The following NRXN3 variants were observed in gnomAD, a reference collection of about 807,000 sequenced individuals.
NRXN3 encodes neurexin III.
Under a neutral mutation model 137.6 loss-of-function variants are expected in NRXN3, and 32 were observed. The observed-to-expected ratio is 0.23, with a 90% CI of 0.18 to 0.31. NRXN3 has a LOEUF of 0.31. Ranked by LOEUF, NRXN3 falls within the 10% of genes least tolerant of loss-of-function variation. The probability of loss-of-function intolerance (pLI) is 1.00; values close to 1 mark genes in which losing one functional copy is unlikely to be tolerated. For synonymous variants in NRXN3, 798 were observed against 784.5 expected (o/e 1.02, Z -0.29); for missense variants, 1,574 against 2,062.5 (o/e 0.76, Z 4.59).
At chr14:78,260,890 G>A (rs564798592) in intron 2 of NRXN3, among the ~76,000 whole-genome samples, 1 of 152,034 alleles carries the variant, frequency 6.6e-6, no homozygotes, top group African/African-American at 2.4e-5. Context: ...ATTTTGATTG[G>A]GTAAATTTAA....
At chr14:79,502,120 G>A (rs2153673927) in intron 16 of NRXN3, among the ~76,000 whole-genome samples, 1 of 152,304 alleles carries the variant, frequency 6.6e-6, no homozygotes, top group South Asian at 2.1e-4. Flanking sequence ...TTGACCAACT[G>A]CAGGTCTGGC....
chr14:78,535,139 GAA>G lies in NRXN3; in HGVS notation c.758-109968_758-109967del, dbSNP rs36069023. ...AATGTTTCTGTCTTATCTTTTAATT[GAA>G]AAAAAAAAAAAAGCCTTCCATTTCC... On this transcript the variant is annotated intron_variant, in intron 4 of 20. Coordinates refer to ENST00000335750, the MANE Select transcript of NRXN3 (RefSeq NM_001330195.2). Among the ~76,000 whole-genome samples the G allele has an allele frequency of 6.0e-3, 786 of 132,094 alleles. 9 individuals carry two copies. Among genetic ancestry groups the G allele is most frequent in the African/African-American group, 0.02 (724 of 36,090 alleles). The allele number at this position is 132,094 out of a possible 152,430, so 86.7% of individuals were successfully genotyped here. A position where few individuals can be genotyped will look rare whatever the true frequency, so the allele number is the denominator to read the frequency against.
chr14:78,333,122 G>C (rs921815397), intron 4 of NRXN3, among the ~76,000 whole-genome samples: 2 of 152,198 alleles, frequency 1.3e-5, no homozygotes, highest in African/African-American at 4.8e-5. Context: ...TGTTGCTGGA[G>C]AGCATCCAAA....
intron 15 of NRXN3, among the ~76,000 whole-genome samples, chr14:79,364,893 C>A (rs889921284): frequency 6.6e-6 from 1 of 152,104 alleles, no homozygotes; most frequent in African/African-American, 2.4e-5. Flanking sequence ...AATATGAGTG[C>A]CCCTACTTAC....
intron 8 of NRXN3, among the ~76,000 whole-genome samples, chr14:78,769,450 T>C (rs2098719836): frequency 6.6e-6 from 1 of 152,160 alleles, no homozygotes; most frequent in South Asian, 2.1e-4. Context: ...AAAGACACAA[T>C]TCAACCCACA....
intron 15 of NRXN3, among the ~76,000 whole-genome samples, chr14:79,153,855 G>A (rs1033752674): frequency 3.3e-5 from 5 of 151,946 alleles, no homozygotes; most frequent in Admixed American, 1.3e-4. Context: ...AGAAGAAGGT[G>A]AAAGAACAAA....
chr14:79,598,711 G>T (rs2097889244), intron 16 of NRXN3, among the ~76,000 whole-genome samples: 1 of 152,218 alleles, frequency 6.6e-6, no homozygotes, highest in South Asian at 2.1e-4. Flanking sequence ...TGGGTTGTGG[G>T]TTTGGGGAGA....
intron 15 of NRXN3, among the ~76,000 whole-genome samples, chr14:79,174,088 C>T (rs1269102544): frequency 1.3e-5 from 2 of 152,096 alleles, no homozygotes; most frequent in African/African-American, 4.8e-5. Flanking sequence ...GCAACTTTAG[C>T]ATTAGAGTTA....
intron 1 of NRXN3, among the ~76,000 whole-genome samples, chr14:78,191,035 A>G (rs1195657294): frequency 6.6e-6 from 1 of 152,200 alleles, no homozygotes; most frequent in African/African-American, 2.4e-5. Context: ...AGCGTCCTAC[A>G]TAAGGGAAGA....
intron 15 of NRXN3, among the ~76,000 whole-genome samples, chr14:79,001,455 G>T (rs570967857): frequency 1.3e-5 from 2 of 152,108 alleles, no homozygotes; most frequent in Non-Finnish European, 2.9e-5. Flanking sequence ...GAATATTCAT[G>T]GCTTTCTATA....
chr14:78,482,809 G>T (rs2095495651), intron 4 of NRXN3, among the ~76,000 whole-genome samples: 1 of 152,134 alleles, frequency 6.6e-6, no homozygotes, highest in Admixed American at 6.6e-5. Context: ...GAAGTGACAG[G>T]CTTGATAATT....
intron 4 of NRXN3, among the ~76,000 whole-genome samples, chr14:78,336,388 G>A (rs1057402661): frequency 5.9e-5 from 9 of 152,106 alleles, no homozygotes; most frequent in African/African-American, 2.2e-4. Flanking sequence ...TGGTATTTTA[G>A]AAGGAAGAAA....
At chr14:79,594,572 A>G (rs1388638670) in intron 16 of NRXN3, among the ~76,000 whole-genome samples, 1 of 152,218 alleles carries the variant, frequency 6.6e-6, no homozygotes, top group East Asian at 1.9e-4. Context: ...TCCAGAATTT[A>G]GAGAATGGTG....
intron 4 of NRXN3, among the ~76,000 whole-genome samples, chr14:78,412,015 G>T (rs2192421): frequency 1 from 151,962 of 152,362 alleles, 75,782 homozygotes; most frequent in Non-Finnish European, 1. Context: ...TTTCTTATTT[G>T]TAGAATAGAA....
intron 15 of NRXN3, among the ~76,000 whole-genome samples, chr14:79,268,817 A>G (rs974947985): frequency 2.6e-5 from 4 of 152,138 alleles, no homozygotes; most frequent in Non-Finnish European, 5.9e-5. Flanking sequence ...ACTTATAATA[A>G]TATATATCTT....
chr14:78,455,354 A>T (rs2094666545), intron 4 of NRXN3, among the ~76,000 whole-genome samples: 1 of 152,146 alleles, frequency 6.6e-6, no homozygotes, highest in African/African-American at 2.4e-5. Context: ...GGAGGAGAAG[A>T]CTCAGTGTGA....
intron 15 of NRXN3, among the ~76,000 whole-genome samples, chr14:79,403,489 A>C (rs1320237210): frequency 6.6e-6 from 1 of 152,186 alleles, no homozygotes; most frequent in Non-Finnish European, 1.5e-5. Flanking sequence ...ACTCCCTCTT[A>C]ATCACTCAGA....
intron 19 of NRXN3, among the ~76,000 whole-genome samples, chr14:79,756,045 A>G (rs566582750): frequency 1.3e-5 from 2 of 152,090 alleles, no homozygotes; most frequent in South Asian, 4.1e-4. Flanking sequence ...TATTTTGGTA[A>G]TTCTCTTGTA....
At position 79,240,398 on chromosome 14, in the gene NRXN3, A is replaced by C. The variant is rs189290521; in HGVS notation, c.3263-226823A>C. ...AGCCTCTCTTGGGAATCGCTCACTA[A>C]TTCACCCTGGAATACTCTTATGTTA... is the stretch of plus-strand genomic sequence containing the variant. On this transcript the variant is annotated intron_variant, in intron 15 of 20. Coordinates refer to ENST00000335750, the MANE Select transcript of NRXN3 (RefSeq NM_001330195.2). Among the ~76,000 whole-genome samples the C allele has an allele frequency of 1.4e-3, 217 of 152,100 alleles. 2 individuals carry two copies. Among genetic ancestry groups the C allele is most frequent in the African/African-American group, 4.9e-3 (202 of 41,484 alleles).
Sources: allele counts gnomAD v4.1 joint callset (sites outside exome capture counted in the v4.1 genomes callset), GRCh38; gene constraint gnomAD v4.1.1; transcripts MANE v1.5; gene names NCBI Gene and HGNC (gene_info 2026-07-23, HGNC 2026-07-21).